LRRC57: variants seen among roughly 807,000 people sequenced by gnomAD.
LRRC57 encodes leucine rich repeat containing 57, also known as leucine-rich repeat-containing protein 57.
Under a neutral mutation model 23.1 loss-of-function variants are expected in LRRC57, and 14 were observed. The ratio of observed to expected loss-of-function variants is 0.61; its 90% CI spans 0.40 to 0.95. The LOEUF (loss-of-function observed/expected upper bound fraction) is 0.95, where lower values mean the gene tolerates loss of function less well. Among genes scored for constraint, LRRC57 ranks in the 40% least tolerant of loss-of-function variants. The pLI is 0.00. For missense variants in LRRC57, 236 were observed against 284.4 expected (o/e 0.83, Z 1.22); for synonymous variants, 106 against 115.2 (o/e 0.92, Z 0.51).
At chr15:42,529,646 C>G in the LRRC57 span, 3 of 1,601,090 alleles carry the variant, frequency 1.9e-6, no homozygotes, top group East Asian at 6.7e-5. Context: ...TCAACAAAAC[C>G]TATGGAATTA....
At chr15:42,546,727 T>C (rs2057659694) in intron 4 of LRRC57, among the ~76,000 whole-genome samples, 1 of 152,204 alleles carries the variant, frequency 6.6e-6, no homozygotes, top group Non-Finnish European at 1.5e-5. Flanking sequence ...AAATTTCAAA[T>C]ATTATAATTA....
At chr15:42,546,262 C>G (rs1436913734) in intron 4 of LRRC57, among the ~76,000 whole-genome samples, 1 of 152,168 alleles carries the variant, frequency 6.6e-6, no homozygotes, top group Non-Finnish European at 1.5e-5. Flanking sequence ...GGGTAGGGGG[C>G]TAGTGATCTC....
chr15:42,533,051 T>G (rs1406615498), downstream of LRRC57: 13 of 152,798 alleles, frequency 8.5e-5, no homozygotes, highest in East Asian at 2.3e-3. Context: ...TTAAATTTTT[T>G]AACTAACTAA....
the LRRC57 span, chr15:42,528,357 C>G: frequency 1.9e-6 from 3 of 1,614,046 alleles, no homozygotes; most frequent in Admixed American, 3.3e-5. Flanking sequence ...CAGCCAGGCC[C>G]GGTGACAAAT....
chr15:42,544,842 C>CGATATATATATATATATATATA, intron 5 of LRRC57, among the ~76,000 whole-genome samples: 2 of 98,038 alleles, frequency 2.0e-5, no homozygotes, highest in Non-Finnish European at 3.8e-5. Context: ...CACACACACA[C>CGATATATATATATATATATATA]TATATATATA....
downstream of LRRC57, among the ~76,000 whole-genome samples, chr15:42,534,876 A>T (rs955209138): frequency 6.6e-6 from 1 of 152,214 alleles, no homozygotes; most frequent in African/African-American, 2.4e-5. Context: ...TGCTGTAAAC[A>T]GATGTGTTAT....
At chr15:42,535,242 C>T (rs191968678), downstream of LRRC57, among the ~76,000 whole-genome samples, 65 of 152,318 alleles carry the variant, frequency 4.3e-4, 1 homozygote, top group African/African-American at 1.2e-3. Context: ...GATACAGCTT[C>T]TTCCCTTAAA....
the LRRC57 span, chr15:42,529,673 A>T: frequency 6.2e-7 from 1 of 1,612,828 alleles, no homozygotes; most frequent in African/African-American, 1.3e-5. Context: ...TTCTTGTGAT[A>T]GCATAACTAA....
chr15:42,533,945 C>T (rs1222937468), downstream of LRRC57, among the ~76,000 whole-genome samples: 1 of 152,168 alleles, frequency 6.6e-6, no homozygotes, highest in Non-Finnish European at 1.5e-5. Flanking sequence ...TTACCATGGG[C>T]CAGGCGCAGT....
intron 5 of LRRC57, among the ~76,000 whole-genome samples, chr15:42,544,494 A>G (rs2057646497): frequency 6.6e-6 from 1 of 151,776 alleles, no homozygotes; most frequent in South Asian, 2.1e-4. Context: ...GCCAGGTGAC[A>G]GAGTGAGACC....
the LRRC57 span, chr15:42,531,593 T>C: frequency 1.4e-6 from 1 of 735,140 alleles, no homozygotes; most frequent in Non-Finnish European, 2.2e-6. Context: ...GGAGATAATA[T>C]GGAAGAAGGG....
chr15:42,544,842 C>CACAATATATATATA, intron 5 of LRRC57, among the ~76,000 whole-genome samples: 4 of 98,036 alleles, frequency 4.1e-5, no homozygotes, highest in South Asian at 3.1e-4. Context: ...CACACACACA[C>CACAATATATATATA]TATATATATA....
At chr15:42,537,608 A>G (rs1033094604), downstream of LRRC57, among the ~76,000 whole-genome samples, 1 of 152,228 alleles carries the variant, frequency 6.6e-6, no homozygotes, top group African/African-American at 2.4e-5. Context: ...TTGCAGCACT[A>G]TTCATGATAG....
the LRRC57 span, chr15:42,529,723 A>G: frequency 6.2e-7 from 1 of 1,614,142 alleles, no homozygotes; most frequent in African/African-American, 1.3e-5. Context: ...ACCTGACTCA[A>G]GTGGGCAGTA....
rs1425568230 is a variant in LRRC57, at chr15:42,548,229, G to C, written c.100C>G (p.Gln34Glu). ...RGLTEFPADL[Q>E]KLTSNLRTID... ...GTCCTGAGATTGCTCGTCAGCTTCTGCAAGTCTGCGGGGAACTGGAGAAAG... is the reference window on the plus strand; with the variant it reads ...GTCCTGAGATTGCTCGTCAGCTTCTCCAAGTCTGCGGGGAACTGGAGAAAG... Residue 34 changes from glutamine (Q) to glutamate (E), a missense_variant, in exon 3 of 6, where the codon CAG (glutamine) becomes GAG (glutamate). By Grantham distance (29) the Gln-to-Glu change is conservative. Transcript: ENST00000397130. 6.2e-7 allele frequency: 1 copy of C among 1,614,216 alleles called. No individual in the cohort carries two copies. The highest frequency in any genetic ancestry group is 8.5e-7 in the Non-Finnish European group (1 of 1,180,038).
intron 5 of LRRC57, among the ~76,000 whole-genome samples, chr15:42,544,460 C>T (rs1368750459): frequency 6.6e-6 from 1 of 151,970 alleles, no homozygotes; most frequent in Non-Finnish European, 1.5e-5. Flanking sequence ...ATCACTTGAG[C>T]TGAGATCCTG....
intron 1 of LRRC57, 99 bp downstream of exon 1, chr15:42,548,594 G>C: frequency 7.1e-6 from 5 of 703,090 alleles, no homozygotes; most frequent in Non-Finnish European, 1.2e-5. Flanking sequence ...AGAAACGGAA[G>C]AACACACAGC....
At chr15:42,548,304 C>G (rs369774567) in intron 2 of LRRC57, 47 bp downstream of exon 2, 58 of 1,613,672 alleles carry the variant, frequency 3.6e-5, no homozygotes, top group Non-Finnish European at 4.7e-5. Flanking sequence ...CCGCCCCCGC[C>G]GTCCCTCTCC....
rs968338983 is a variant in LRRC57 at position 42,548,775 on chromosome 15, C to G, written c.-105G>C. 5 of 883,186 alleles carry G rather than the reference C, an allele frequency of 5.7e-6. No homozygotes were observed. The East Asian group carries it at 1.3e-4, about 23-fold the overall frequency. 54.7% of individuals were successfully genotyped at this position (883,186 alleles called of 1,614,324 possible). Reference sequence around the variant, plus strand: ...CCGGGATGCGCTCCCCGGCTTAGTCCCGGGCGGGAACGCCCTGTGACGTCA... The same window carrying G: ...CCGGGATGCGCTCCCCGGCTTAGTCGCGGGCGGGAACGCCCTGTGACGTCA... On this transcript the variant is annotated 5_prime_UTR_variant, in exon 1 of 6. Transcript: ENST00000397130.
Sources: gnomAD v4.1 joint callset for allele counts (sites outside exome capture counted in the v4.1 genomes callset) on GRCh38, gnomAD v4.1.1 for gene constraint, MANE v1.5 for transcripts, NCBI Gene and HGNC (gene_info 2026-07-23, HGNC 2026-07-21) for gene names.